Variants in REPS2 observed in about 807,000 individuals in gnomAD.
REPS2 encodes the protein ralBP1-associated Eps domain-containing protein 2.
REPS2 carries 23 observed loss-of-function variants against 53.6 expected under a neutral mutation model. The ratio of observed to expected loss-of-function variants is 0.43; its 90% CI spans 0.31 to 0.61. The LOEUF (loss-of-function observed/expected upper bound fraction) is 0.61, where lower values mean the gene tolerates loss of function less well. Ranked by LOEUF, REPS2 falls within the 20% of genes least tolerant of loss-of-function variation. REPS2 has a pLI of 0.11. For missense variants in REPS2, 446 were observed against 534.9 expected (o/e 0.83, Z 1.64); for synonymous variants, 238 against 218.6 (o/e 1.09, Z -0.78).
chrX:16,994,052 C>T (rs1339149819), intron 1 of REPS2, among the ~76,000 whole-genome samples: 2 of 112,679 alleles, frequency 1.8e-5, no homozygotes, highest in South Asian at 3.6e-4. Flanking sequence ...CCTCCACCTA[C>T]ACCACCAACA....
In REPS2 at chrX:17,074,265, T is replaced by G. The variant is rs1315082060; in HGVS notation, c.1379+106T>G. On this transcript the variant is annotated intron_variant, in intron 12 of 17. Coordinates refer to ENST00000357277, the MANE Select transcript of REPS2 (RefSeq NM_004726.3). ...ACCCATGATTTCCTCTTCCTTTAGA[T>G]GTAAAGCTTAGGATATGAGCCATTT... 6 of 752,014 alleles carry G rather than the reference T, an allele frequency of 8.0e-6. No individual in the cohort carries two copies. The African/African-American group carries it at 1.3e-4, about 16-fold the overall frequency. The allele number at this position is 752,014 out of a possible 1,213,427, so 62.0% of individuals were successfully genotyped here.
At chrX:16,992,948 G>A (rs2061181346) in intron 1 of REPS2, among the ~76,000 whole-genome samples, 1 of 112,015 alleles carries the variant, frequency 8.9e-6, no homozygotes, top group African/African-American at 3.3e-5. Flanking sequence ...GTCTTGTGGG[G>A]AGGAAAACTG....
chrX:17,128,983 C>T (rs372267917), intron 14 of REPS2, among the ~76,000 whole-genome samples: 16 of 112,276 alleles, frequency 1.4e-4, no homozygotes, highest in East Asian at 1.4e-3. Flanking sequence ...CACATGGAAC[C>T]GTGAGGGCAG....
chrX:17,025,072 C>T lies in REPS2; in HGVS notation c.560C>T (p.Ser187Phe). Reference protein sequence around the residue: ...DDEDKQQETQSPTMSPLASPP... With the variant: ...DDEDKQQETQFPTMSPLASPP... The stretch of plus-strand genomic sequence containing the variant: ...GGTTCTTTGAAGCAGGAAACACAGT[C>T]TCCCACGATGTCACCCCTCGCCTCC... Residue 187 changes from serine to phenylalanine, a missense_variant, in exon 4 of 18, where the codon TCT (serine) becomes TTT (phenylalanine). Transcript: ENST00000357277. The T allele has an allele frequency of 8.3e-7, 1 of 1,211,923 alleles. No homozygotes were observed. Among genetic ancestry groups the T allele is most frequent in the Non-Finnish European group, 1.1e-6 (1 of 895,510 alleles).
At chrX:17,115,862 A>T (rs1438066661) in intron 14 of REPS2, among the ~76,000 whole-genome samples, 1 of 111,998 alleles carries the variant, frequency 8.9e-6, no homozygotes, top group Admixed American at 9.5e-5. Context: ...GTTATAGATT[A>T]ACAGCATCTC....
At chrX:17,177,313 A>C in the REPS2 span, among the ~76,000 whole-genome samples, 17 of 112,266 alleles carry the variant, frequency 1.5e-4, no homozygotes, top group East Asian at 4.8e-3. Flanking sequence ...AGGAGTGGTC[A>C]GGACTCAAAC....
chrX:17,017,396 G>C (rs1318540325), intron 2 of REPS2, among the ~76,000 whole-genome samples: 1 of 111,926 alleles, frequency 8.9e-6, no homozygotes, highest in East Asian at 2.8e-4. Flanking sequence ...AACAAATACT[G>C]TATGATTCAA....
At chrX:17,079,075 T>C (rs979318902) in intron 13 of REPS2, among the ~76,000 whole-genome samples, 2 of 112,472 alleles carry the variant, frequency 1.8e-5, no homozygotes, top group African/African-American at 6.5e-5. Context: ...TGCTTACCAA[T>C]TGAGCATATA....
chrX:17,085,139 ATCCATTTAATTT>A (rs2062515800), intron 13 of REPS2, among the ~76,000 whole-genome samples: 3 of 112,183 alleles, frequency 2.7e-5, no homozygotes. Flanking sequence ...ACTATTAATT[ATCCATTTAATTT>A]TCTTGGCACC....
At chrX:16,986,994 C>T (rs1411385269) in intron 1 of REPS2, among the ~76,000 whole-genome samples, 2 of 108,221 alleles carry the variant, frequency 1.8e-5, no homozygotes, top group African/African-American at 6.7e-5. Flanking sequence ...ACTGCAGCCA[C>T]GATCTCCTGG....
At chrX:17,008,131 G>C (rs950377876) in intron 2 of REPS2, among the ~76,000 whole-genome samples, 8 of 112,220 alleles carry the variant, frequency 7.1e-5, no homozygotes, top group Non-Finnish European at 1.3e-4. Flanking sequence ...TTGACAGGCA[G>C]GCTTAGTATT....
chrX:17,068,526 T>C lies in REPS2; in HGVS notation c.1279+55T>C, dbSNP rs1474928237. On this transcript the variant is annotated intron_variant, in intron 10 of 17. Transcript: ENST00000357277. ...CCAGCGTTCTACCTGTTACCTTATC[T>C]ACTCCTCTTGGAATGGTGGCTTCTA... is the stretch of plus-strand genomic sequence containing the variant. The C allele has an allele frequency of 1.0e-5, 10 of 977,331 alleles. No homozygotes were observed. The South Asian group carries it at 1.9e-4, about 19-fold the overall frequency. The allele number at this position is 977,331 out of a possible 1,213,427, so 80.5% of individuals were successfully genotyped here.
intron 13 of REPS2, among the ~76,000 whole-genome samples, chrX:17,078,272 C>T (rs1318538760): frequency 1.8e-5 from 2 of 112,196 alleles, no homozygotes; most frequent in Non-Finnish European, 3.8e-5. Flanking sequence ...GCCTCAGATG[C>T]TAGTGATTTG....
chrX:17,025,810 T>C lies in REPS2; in HGVS notation c.673+625T>C, dbSNP rs111567410. On this transcript the variant is annotated intron_variant, in intron 4 of 17. Transcript: ENST00000357277. ...TGAGGATGACTTGCAGAGTTGGCTGTTTAGGCTGCAGTGCCTAAAGCACTG... is the reference window on the plus strand; with the variant it reads ...TGAGGATGACTTGCAGAGTTGGCTGCTTAGGCTGCAGTGCCTAAAGCACTG... 5.0e-3 allele frequency among the ~76,000 whole-genome samples: 555 copies of C among 111,484 alleles called. 3 individuals carry two copies. The highest frequency in any genetic ancestry group is 0.017 in the African/African-American group (533 of 30,677).
At chrX:17,174,292 C>T in the REPS2 span, among the ~76,000 whole-genome samples, 1 of 112,156 alleles carries the variant, frequency 8.9e-6, no homozygotes, top group African/African-American at 3.2e-5. Flanking sequence ...TCGCGTACAT[C>T]AAGGGAGTTA....
intron 1 of REPS2, among the ~76,000 whole-genome samples, chrX:16,958,915 G>A (rs1199936323): frequency 8.9e-6 from 1 of 111,852 alleles, no homozygotes; most frequent in East Asian, 2.8e-4. Flanking sequence ...GGCATGGCCA[G>A]TGATAGGAGC....
chrX:16,988,575 TGAAA>T (rs1271971773), intron 1 of REPS2, among the ~76,000 whole-genome samples: 1 of 110,407 alleles, frequency 9.1e-6, no homozygotes, highest in Non-Finnish European at 1.9e-5. Context: ...ACAATGCTGA[TGAAA>T]GAAATCAAAG....
rs758753064 is a variant in REPS2 at position 17,048,004 on chromosome X, T to G, written c.907+522T>G. 9.8e-5 allele frequency among the ~76,000 whole-genome samples: 11 copies of G among 112,740 alleles called. No individual in the cohort carries two copies. The South Asian group carries it at 3.3e-3, about 34-fold the overall frequency. ...ACTTGTCAGTTCTTCTGGGTTGTCT[T>G]CAGATATATAGATTCCTGTTGAGTT... On this transcript the variant is annotated intron_variant, in intron 6 of 17. Transcript: ENST00000357277.
chrX:17,007,769 A>G (rs920265064), intron 2 of REPS2, among the ~76,000 whole-genome samples: 3 of 112,132 alleles, frequency 2.7e-5, no homozygotes, highest in African/African-American at 6.5e-5. Context: ...AGTCTCTACT[A>G]TGGCTGCACA....
Sources: allele counts gnomAD v4.1 joint callset (sites outside exome capture counted in the v4.1 genomes callset), GRCh38; gene constraint gnomAD v4.1.1; transcripts MANE v1.5; gene names NCBI Gene and HGNC (gene_info 2026-07-23, HGNC 2026-07-21).